Variants in TSGA13 observed in about 807,000 individuals in gnomAD.
TSGA13 encodes the protein testis-specific gene 13 protein.
TSGA13 carries 37 observed loss-of-function variants against 35.1 expected under a neutral mutation model. The ratio of observed to expected loss-of-function variants is 1.05; its 90% CI spans 0.81 to 1.39. The LOEUF (loss-of-function observed/expected upper bound fraction) is 1.39, where lower values mean the gene tolerates loss of function less well. Ranked by LOEUF, TSGA13 falls within the 40% of genes most tolerant of loss-of-function variation. The probability of loss-of-function intolerance (pLI) is 0.00; values close to 1 mark genes in which losing one functional copy is unlikely to be tolerated. For missense variants in TSGA13, 338 were observed against 328.5 expected (o/e 1.03, Z -0.22); for synonymous variants, 124 against 121.2 (o/e 1.02, Z -0.15).
chr7:130,679,442 A>G (rs1219738379), intron 4 of TSGA13, 75 bp from the exon 5 acceptor site: 12 of 1,285,282 alleles, frequency 9.3e-6, no homozygotes, highest in African/African-American at 6.0e-5. Context: ...GTTGGCTGAT[A>G]CTTAGCCTCT....
At chr7:130,682,595 G>A (rs1008108428) in intron 3 of TSGA13, among the ~76,000 whole-genome samples, 4 of 152,162 alleles carry the variant, frequency 2.6e-5, no homozygotes, top group Non-Finnish European at 5.9e-5. Flanking sequence ...AGGCAGTATG[G>A]TAAGGTGGGT....
intron 2 of TSGA13, among the ~76,000 whole-genome samples, chr7:130,684,565 C>A (rs1476276798): frequency 6.6e-6 from 1 of 152,046 alleles, no homozygotes; most frequent in Non-Finnish European, 1.5e-5. Context: ...GAATAAGGAC[C>A]AAAATAAAAG....
chr7:130,680,946 C>T lies in TSGA13; in HGVS notation c.174G>A (p.Leu58=). The T allele has an allele frequency of 3.1e-6, 5 of 1,613,946 alleles. No individual in the cohort carries two copies. Among genetic ancestry groups the T allele is most frequent in the Non-Finnish European group, 4.2e-6 (5 of 1,179,954 alleles). The change falls in exon 4 of 8, where the codon TTG becomes TTA. Residue 58 remains leucine (L), a splice_region_variant and synonymous_variant. Transcript: ENST00000356588. ...TTGGGGGAATGCTTTCTCTACCTAC[C>T]AAATTTGGATGGACTGTGTAATGCC... The part of the protein sequence containing the change: ...NLRHYTVHPN[L]AQYYKPLKAT...
At chr7:130,680,070 C>T (rs1796508754) in intron 4 of TSGA13, among the ~76,000 whole-genome samples, 1 of 152,222 alleles carries the variant, frequency 6.6e-6, no homozygotes, top group Non-Finnish European at 1.5e-5. Context: ...GGGACCAAAT[C>T]TCGCTTAAGG....
rs1048598696 is a variant in TSGA13, at chr7:130,686,336, G to C, written c.-225C>G. 6.6e-6 allele frequency: 1 copy of C among 152,062 alleles called. No homozygotes were observed. The highest frequency in any genetic ancestry group is 6.5e-5 in the Admixed American group (1 of 15,272). 9.4% of individuals were successfully genotyped at this position (152,062 alleles called of 1,614,324 possible). On this transcript the variant is annotated 5_prime_UTR_variant, in exon 1 of 8. Transcript: ENST00000356588. ...AAAATAAAAATGAGCTGTCAAATTG[G>C]GCAGTATAAGTCTTGGGTTGCTAGT...
At chr7:130,678,952 A>G (rs1796473414) in intron 5 of TSGA13, among the ~76,000 whole-genome samples, 2 of 152,212 alleles carry the variant, frequency 1.3e-5, no homozygotes, top group Admixed American at 6.5e-5. Flanking sequence ...GTTTGAGCCC[A>G]AGAGGTCAAG....
At chr7:130,675,066 G>A (rs2116309025) in intron 5 of TSGA13, among the ~76,000 whole-genome samples, 1 of 151,230 alleles carries the variant, frequency 6.6e-6, no homozygotes, top group Non-Finnish European at 1.5e-5. Context: ...CAGAAAAACA[G>A]TAACTGAAAA....
intron 2 of TSGA13, 136 bp downstream of exon 2, chr7:130,685,052 A>T: frequency 2.1e-6 from 2 of 947,668 alleles, no homozygotes; most frequent in Admixed American, 1.9e-5. Flanking sequence ...TTTTTGATCC[A>T]GGGACAATCA....
intron 7 of TSGA13, among the ~76,000 whole-genome samples, chr7:130,670,291 C>T (rs1222572654): frequency 6.6e-6 from 1 of 152,040 alleles, no homozygotes; most frequent in Admixed American, 6.6e-5. Context: ...ATAATATGAC[C>T]CCAGGCCTTC....
At chr7:130,679,863 C>T (rs1191897098) in intron 4 of TSGA13, among the ~76,000 whole-genome samples, 1 of 152,162 alleles carries the variant, frequency 6.6e-6, no homozygotes, top group Non-Finnish European at 1.5e-5. Flanking sequence ...AGCTCTCAGT[C>T]CCTCTCTTCC....
chr7:130,684,822 C>T (rs1554465524), intron 2 of TSGA13, among the ~76,000 whole-genome samples: 1 of 152,128 alleles, frequency 6.6e-6, no homozygotes. Flanking sequence ...ATTAAGTTAT[C>T]TAATAATTAG....
intron 5 of TSGA13, 72 bp from the exon 6 acceptor site, chr7:130,672,948 T>C: frequency 6.8e-7 from 1 of 1,478,136 alleles, no homozygotes. Flanking sequence ...TGGACCAAGT[T>C]CCTGGACTAA....
intron 2 of TSGA13, 24 bp downstream of exon 2, chr7:130,685,164 A>C: frequency 6.2e-7 from 1 of 1,611,420 alleles, no homozygotes; most frequent in Non-Finnish European, 8.5e-7. Context: ...TTTATAACTT[A>C]GTTGGGCAAA....
Position 130,669,161 on chromosome 7 carries a change from T to G in TSGA13, c.681A>C (p.Glu227Asp), listed in dbSNP as rs1796184717. ...RKDASKKSAS[E>D]RPISKVIREP... ...CCCGAATCACTTTGGAAATTGGCCT[T>G]TCACTCGCTGACTTCTTGGAAGCTA... The change falls in exon 8 of 8, where the codon GAA becomes GAC. Residue 227 changes from glutamate (E) to aspartate (D), a missense_variant. Glu to Asp is a conservative substitution (Grantham distance 45). Transcript: ENST00000356588. 1 of 1,614,168 alleles carries G rather than the reference T, an allele frequency of 6.2e-7. No individual in the cohort carries two copies. The highest frequency in any genetic ancestry group is 8.5e-7 in the Non-Finnish European group (1 of 1,180,036).
intron 1 of TSGA13, among the ~76,000 whole-genome samples, chr7:130,685,580 A>C (rs1193878311): frequency 6.6e-6 from 1 of 152,234 alleles, no homozygotes; most frequent in Admixed American, 6.5e-5. Context: ...TGCAAAATGG[A>C]AAGTATTAAC....
At chr7:130,681,909 G>T in intron 3 of TSGA13, among the ~76,000 whole-genome samples, 1 of 151,998 alleles carries the variant, frequency 6.6e-6, no homozygotes, top group East Asian at 1.9e-4. Context: ...ATTATCCTGT[G>T]TTCAGATCAG....
At chr7:130,681,937 C>A (rs187848225) in intron 3 of TSGA13, among the ~76,000 whole-genome samples, 6 of 151,934 alleles carry the variant, frequency 3.9e-5, no homozygotes, top group African/African-American at 4.8e-5. Context: ...TTTTTCTTTT[C>A]TTTTTTTCTT....
intron 1 of TSGA13, 149 bp from the exon 2 acceptor site, chr7:130,685,509 C>A (rs987066979): frequency 1.5e-6 from 1 of 675,434 alleles, no homozygotes; most frequent in Non-Finnish European, 2.1e-6. Context: ...ACAATAGTGA[C>A]AAATACATGC....
intron 6 of TSGA13, 66 bp downstream of exon 6, chr7:130,672,668 G>A: frequency 1.3e-6 from 2 of 1,571,310 alleles, no homozygotes; most frequent in Non-Finnish European, 1.7e-6. Flanking sequence ...GTATGGCAAA[G>A]AACCAGAAAC....
Sources: allele counts gnomAD v4.1 joint callset (sites outside exome capture counted in the v4.1 genomes callset), GRCh38; gene constraint gnomAD v4.1.1; transcripts MANE v1.5; gene names NCBI Gene and HGNC (gene_info 2026-07-23, HGNC 2026-07-21).